Variants in TAFA1 observed in about 807,000 individuals in gnomAD.
The protein encoded by TAFA1 is TAFA chemokine like family member 1.
In TAFA1, 4 loss-of-function variants were observed where a neutral mutation model predicts 18.5. The observed-to-expected ratio is 0.22, with a 90% CI of 0.11 to 0.49. The LOEUF is 0.49. TAFA1 is among the 20% of genes least tolerant of loss of function. TAFA1 has a pLI of 0.98. For synonymous variants in TAFA1, 56 were observed against 55.2 expected (o/e 1.01, Z -0.06); for missense variants, 147 against 169.0 (o/e 0.87, Z 0.72).
chr3:68,500,009 C>T (rs529617613), intron 3 of TAFA1, among the ~76,000 whole-genome samples: 1 of 152,080 alleles, frequency 6.6e-6, no homozygotes, highest in East Asian at 1.9e-4. Context: ...TCAAATGATG[C>T]CATCTGTGCT....
chr3:68,240,671 C>G (rs1167019801), intron 2 of TAFA1, among the ~76,000 whole-genome samples: 1 of 152,134 alleles, frequency 6.6e-6, no homozygotes, highest in African/African-American at 2.4e-5. Flanking sequence ...ATATCACTCT[C>G]CTTTGGAAAG....
intron 2 of TAFA1, among the ~76,000 whole-genome samples, chr3:68,399,743 C>T (rs1415404135): frequency 6.6e-6 from 1 of 152,126 alleles, no homozygotes; most frequent in Non-Finnish European, 1.5e-5. Flanking sequence ...ATTCAGTCCT[C>T]ATATCTACTC....
At chr3:68,209,046 C>G (rs1216244909) in intron 2 of TAFA1, among the ~76,000 whole-genome samples, 1 of 151,880 alleles carries the variant, frequency 6.6e-6, no homozygotes, top group African/African-American at 2.4e-5. Context: ...CCTCTGGGTG[C>G]CAAGAGGGAA....
intron 2 of TAFA1, among the ~76,000 whole-genome samples, chr3:68,283,698 T>C (rs1351369256): frequency 6.6e-6 from 1 of 152,220 alleles, no homozygotes; most frequent in Non-Finnish European, 1.5e-5. Flanking sequence ...ATTATAAGTA[T>C]CTAGCAAACA....
At chr3:68,471,640 T>A (rs1344558322) in intron 3 of TAFA1, among the ~76,000 whole-genome samples, 1 of 152,198 alleles carries the variant, frequency 6.6e-6, no homozygotes, top group Non-Finnish European at 1.5e-5. Flanking sequence ...CTCTGCCTGC[T>A]TTTATCCTAG....
intron 2 of TAFA1, among the ~76,000 whole-genome samples, chr3:68,094,791 T>C (rs545283159): frequency 6.6e-6 from 1 of 152,290 alleles, no homozygotes; most frequent in East Asian, 1.9e-4. Context: ...TGGATGTTAG[T>C]GTTCTTGCTG....
intron 2 of TAFA1, among the ~76,000 whole-genome samples, chr3:68,335,572 CAGTGGGACAA>C (rs1336991072): frequency 2.0e-5 from 3 of 152,094 alleles, no homozygotes; most frequent in African/African-American, 4.8e-5. Flanking sequence ...TTTATGGAAA[CAGTGGGACAA>C]ATTTTTTTTT....
chr3:68,436,286 G>A lies in TAFA1; in HGVS notation c.259+18866G>A, dbSNP rs552337349. Among the ~76,000 whole-genome samples, 9 of 152,228 alleles carry A rather than the reference G, an allele frequency of 5.9e-5. No individual in the cohort carries two copies. In the South Asian group the frequency reaches 1.2e-3, roughly 21 times the overall value. On this transcript the variant is annotated intron_variant, in intron 3 of 4. Coordinates refer to ENST00000478136, the MANE Select transcript of TAFA1 (RefSeq NM_213609.4). ...TGCCCTTAGTTTCTTCATTTGTAAGGTGGGCATAACAGTATCTACCTTATA... is the reference window on the plus strand; with the variant it reads ...TGCCCTTAGTTTCTTCATTTGTAAGATGGGCATAACAGTATCTACCTTATA...
chr3:68,242,940 A>C (rs997934005), intron 2 of TAFA1, among the ~76,000 whole-genome samples: 5 of 152,146 alleles, frequency 3.3e-5, no homozygotes, highest in African/African-American at 1.2e-4. Context: ...AAAAAAGATC[A>C]ACTTATCCCT....
chr3:68,363,363 G>A (rs1432139505), intron 2 of TAFA1, among the ~76,000 whole-genome samples: 1 of 152,154 alleles, frequency 6.6e-6, no homozygotes, highest in Non-Finnish European at 1.5e-5. Context: ...CTCTGTGCTA[G>A]GACCTGTGCT....
At chr3:68,278,641 A>G (rs1030612039) in intron 2 of TAFA1, among the ~76,000 whole-genome samples, 9 of 152,048 alleles carry the variant, frequency 5.9e-5, no homozygotes, top group Non-Finnish European at 1.0e-4. Context: ...CTTGATCAAT[A>G]TATCTTTTAG....
chr3:68,220,268 G>A (rs1193958446), intron 2 of TAFA1, among the ~76,000 whole-genome samples: 1 of 152,070 alleles, frequency 6.6e-6, no homozygotes, highest in Non-Finnish European at 1.5e-5. Flanking sequence ...AAGATTGTCT[G>A]CAAAACAAGG....
chr3:68,538,650 A>G (rs2106789059), intron 3 of TAFA1, 106 bp from the exon 4 acceptor site: 1 of 1,103,294 alleles, frequency 9.1e-7, no homozygotes, highest in African/African-American at 1.6e-5. Flanking sequence ...GATTAAAGAG[A>G]ACTTAGTGTG....
At chr3:68,069,304 T>G (rs1200047197) in intron 2 of TAFA1, among the ~76,000 whole-genome samples, 1 of 152,174 alleles carries the variant, frequency 6.6e-6, no homozygotes, top group African/African-American at 2.4e-5. Flanking sequence ...ACAAGTCACA[T>G]TTTATGTGGA....
chr3:68,456,507 A>G lies in TAFA1; in HGVS notation c.259+39087A>G, dbSNP rs182144289. 2.8e-4 allele frequency among the ~76,000 whole-genome samples: 42 copies of G among 152,316 alleles called. 1 individual carries two copies. The East Asian group carries it at 7.7e-3, about 28-fold the overall frequency. On this transcript the variant is annotated intron_variant, in intron 3 of 4. Coordinates refer to ENST00000478136, the MANE Select transcript of TAFA1 (RefSeq NM_213609.4). ...AAGTTGCTTCTCCTGTTATCTTGAC[A>G]TATTTTAAGCCAAACCTCTTTTTAA...
intron 2 of TAFA1, among the ~76,000 whole-genome samples, chr3:68,068,606 A>G (rs1426474008): frequency 6.6e-6 from 1 of 152,230 alleles, no homozygotes; most frequent in African/African-American, 2.4e-5. Context: ...TGGTTTACCT[A>G]AGACAAACCC....
chr3:68,195,354 G>A (rs1032190941), intron 2 of TAFA1, among the ~76,000 whole-genome samples: 1 of 145,618 alleles, frequency 6.9e-6, no homozygotes, highest in Non-Finnish European at 1.5e-5. Context: ...CAGACTTCTG[G>A]GATTATTGGC....
chr3:68,074,557 T>A (rs2064800866), intron 2 of TAFA1, among the ~76,000 whole-genome samples: 1 of 152,200 alleles, frequency 6.6e-6, no homozygotes, highest in South Asian at 2.1e-4. Context: ...AGGGATATGA[T>A]GACACTAAAA....
At chr3:68,514,105 A>G (rs1453041156) in intron 3 of TAFA1, among the ~76,000 whole-genome samples, 2 of 152,122 alleles carry the variant, frequency 1.3e-5, no homozygotes, top group Non-Finnish European at 2.9e-5. Context: ...TTATAAGAGC[A>G]CTAATCCCAT....
Sources: gnomAD v4.1 joint callset for allele counts (sites outside exome capture counted in the v4.1 genomes callset) on GRCh38, gnomAD v4.1.1 for gene constraint, MANE v1.5 for transcripts, NCBI Gene and HGNC (gene_info 2026-07-23, HGNC 2026-07-21) for gene names.